The following NRG2 variants were observed in gnomAD, a reference collection of about 807,000 sequenced individuals.
The protein encoded by NRG2 is pro-neuregulin-2, membrane-bound isoform.
NRG2 carries 27 observed loss-of-function variants against 73.9 expected under a neutral mutation model. The ratio of observed to expected loss-of-function variants is 0.37; its 90% CI spans 0.27 to 0.50. NRG2 has a LOEUF of 0.50. Among genes scored for constraint, NRG2 ranks in the 20% least tolerant of loss-of-function variants. NRG2 has a pLI of 0.96. For synonymous variants in NRG2, 532 were observed against 541.0 expected (o/e 0.98, Z 0.23); for missense variants, 1,126 against 1,210.1 (o/e 0.93, Z 1.03).
chr5:139,881,113 C>A (rs926070446), intron 2 of NRG2, 139 bp from the exon 3 acceptor site: 10 of 677,176 alleles, frequency 1.5e-5, no homozygotes, highest in Middle Eastern at 3.5e-4. Context: ...TCCCTCCCCC[C>A]AGCAATTTCT....
chr5:139,972,593 G>A (rs264338), intron 1 of NRG2, among the ~76,000 whole-genome samples: 28,803 of 151,982 alleles, frequency 0.19, 2,932 homozygotes, highest in African/African-American at 0.24. Context: ...GGTATGTGGC[G>A]TACGCCTGTA....
At chr5:139,878,924 C>T (rs1052817724) in intron 3 of NRG2, among the ~76,000 whole-genome samples, 5 of 152,172 alleles carry the variant, frequency 3.3e-5, no homozygotes, top group African/African-American at 1.2e-4. Context: ...TTACCAGGCA[C>T]CCACTGTGAG....
chr5:139,956,953 C>T (rs938712099), intron 1 of NRG2, among the ~76,000 whole-genome samples: 3 of 152,156 alleles, frequency 2.0e-5, no homozygotes, highest in South Asian at 2.1e-4. Flanking sequence ...GACAGTGTCA[C>T]CAAATGGCTT....
intron 2 of NRG2, among the ~76,000 whole-genome samples, chr5:139,884,061 G>A (rs551089010): frequency 1.3e-5 from 2 of 152,314 alleles, no homozygotes; most frequent in African/African-American, 2.4e-5. Flanking sequence ...CAGGAGAGGA[G>A]GGCTAGTCCT....
Position 139,880,760 on chromosome 5 carries a change from C to T in NRG2, c.991+96G>A, listed in dbSNP as rs561304514. 45 of 840,316 alleles carry T rather than the reference C, an allele frequency of 5.4e-5. No homozygotes were observed. In the African/African-American group the frequency reaches 6.5e-4, roughly 12 times the overall value. 52.1% of individuals were successfully genotyped at this position (840,316 alleles called of 1,614,324 possible). On this transcript the variant is annotated intron_variant, in intron 3 of 9. Transcript: ENST00000361474. Reference sequence around the variant, plus strand: ...CAGCAGGAGGGAGGGGAGTTGAGTGCGAGATGGATCACATGCAGGCCCCAA... The same window carrying T: ...CAGCAGGAGGGAGGGGAGTTGAGTGTGAGATGGATCACATGCAGGCCCCAA...
intron 5 of NRG2, among the ~76,000 whole-genome samples, chr5:139,857,806 T>C (rs1336379783): frequency 6.6e-6 from 1 of 152,168 alleles, no homozygotes; most frequent in African/African-American, 2.4e-5. Context: ...GGGCTCATTC[T>C]TGATTACTCC....
intron 1 of NRG2, among the ~76,000 whole-genome samples, chr5:140,017,094 T>TGATGAAA (rs1275198312): frequency 2.0e-5 from 3 of 152,112 alleles, no homozygotes; most frequent in Non-Finnish European, 2.9e-5. Context: ...ATGAAGCAAA[T>TGATGAAA]ACAGTAAAAC....
intron 1 of NRG2, among the ~76,000 whole-genome samples, chr5:139,921,357 A>T (rs1403215699): frequency 1.3e-5 from 2 of 152,252 alleles, no homozygotes; most frequent in Non-Finnish European, 2.9e-5. Flanking sequence ...CTGTAAAGGT[A>T]CAGTAATCAG....
chr5:139,856,139 C>G lies in NRG2; in HGVS notation c.1190-361G>C, dbSNP rs527926018. On this transcript the variant is annotated intron_variant, in intron 5 of 9. Transcript: ENST00000361474. This position sits in a 1 kb window ranked among gnomAD's most constrained non-coding sequence, Gnocchi z 4.2. ...GCAGGGGAGGACAGCTCAGTCTGGC[C>G]GGTGACCCTGCCCTGCTCCACAGTG... The G allele has an allele frequency of 2.9e-5, 8 of 273,512 alleles. No individual in the cohort carries two copies. Among genetic ancestry groups the G allele is most frequent in the Non-Finnish European group, 5.0e-5 (7 of 138,684 alleles). 16.9% of individuals were successfully genotyped at this position (273,512 alleles called of 1,614,324 possible). A position where few individuals can be genotyped will look rare whatever the true frequency, so the allele number is the denominator to read the frequency against.
At chr5:140,028,497 A>G (rs1379067869) in intron 1 of NRG2, among the ~76,000 whole-genome samples, 1 of 152,176 alleles carries the variant, frequency 6.6e-6, no homozygotes, top group African/African-American at 2.4e-5. Flanking sequence ...CAAGAGGAGC[A>G]GTACTCGAGT....
At position 139,851,965 on chromosome 5, in the gene NRG2, G is replaced by T; in HGVS notation, c.1545-134C>A. 2 of 726,778 alleles carry T rather than the reference G, an allele frequency of 2.8e-6. No homozygotes were observed. Among genetic ancestry groups the T allele is most frequent in the Non-Finnish European group, 4.6e-6 (2 of 438,282 alleles). The allele number at this position is 726,778 out of a possible 1,614,324, so 45.0% of individuals were successfully genotyped here. On this transcript the variant is annotated intron_variant, in intron 8 of 9. Transcript: ENST00000361474. This position sits in a 1 kb window ranked among gnomAD's most constrained non-coding sequence, Gnocchi z 4.2. ...GCTCAATGCCCTTCTCCACTCTGGGGTGATGTGTATTGTTGCAAATGCCCA... is the reference window on the plus strand; with the variant it reads ...GCTCAATGCCCTTCTCCACTCTGGGTTGATGTGTATTGTTGCAAATGCCCA...
chr5:140,037,680 C>T (rs1211838189), intron 1 of NRG2, among the ~76,000 whole-genome samples: 3 of 152,126 alleles, frequency 2.0e-5, no homozygotes, highest in African/African-American at 4.8e-5. Context: ...GGGGCCAAGG[C>T]GGGTGGATCA....
In NRG2 at chr5:139,865,514, G is replaced by C; in HGVS notation, c.1189+35C>G. On this transcript the variant is annotated intron_variant, in intron 5 of 9. Transcript: ENST00000361474. The surrounding 1 kb of genome is among the most constrained non-coding windows in gnomAD (Gnocchi z 5.2). ...GGGACTGCACCCAGAAGCTTTCTAA[G>C]GAGCAGGGACTTGTGTTTGTATCTT... The C allele has an allele frequency of 6.4e-7, 1 of 1,567,500 alleles. No homozygotes were observed. The highest frequency in any genetic ancestry group is 8.8e-7 in the Non-Finnish European group (1 of 1,139,528).
At chr5:139,926,720 A>G (rs1400364080) in intron 1 of NRG2, among the ~76,000 whole-genome samples, 1 of 152,222 alleles carries the variant, frequency 6.6e-6, no homozygotes, top group Admixed American at 6.5e-5. Context: ...AAGGTGATGC[A>G]TGAATGTTCA....
In NRG2 at chr5:139,851,490, A is replaced by G. The variant is rs535341339; in HGVS notation, c.1772+114T>C. 99 of 999,018 alleles carry G rather than the reference A, an allele frequency of 9.9e-5. No homozygotes were observed. In the East Asian group the frequency reaches 2.2e-3, roughly 23 times the overall value. The allele number at this position is 999,018 out of a possible 1,614,324, so 61.9% of individuals were successfully genotyped here. A position where few individuals can be genotyped will look rare whatever the true frequency, so the allele number is the denominator to read the frequency against. On this transcript the variant is annotated intron_variant, in intron 9 of 9. Coordinates refer to ENST00000361474, the MANE Select transcript of NRG2 (RefSeq NM_004883.3). The surrounding 1 kb of genome is among the most constrained non-coding windows in gnomAD (Gnocchi z 4.2). ...TCTAGGACCTTGTTTTCCCATATGA[A>G]AAATGGAGATGAGGCTCTTTGGAGT...
chr5:139,988,531 G>A (rs775201463), intron 1 of NRG2, among the ~76,000 whole-genome samples: 1 of 151,988 alleles, frequency 6.6e-6, no homozygotes, highest in Non-Finnish European at 1.5e-5. Context: ...AAGGAAAGAA[G>A]CCAATTGAAA....
chr5:139,997,277 C>G (rs755106867), intron 1 of NRG2, among the ~76,000 whole-genome samples: 2 of 152,154 alleles, frequency 1.3e-5, no homozygotes, highest in African/African-American at 2.4e-5. Context: ...AAAAAACCCA[C>G]CCTTCCTTTA....
intron 1 of NRG2, among the ~76,000 whole-genome samples, chr5:140,038,330 G>A (rs1049916223): frequency 2.6e-5 from 4 of 151,926 alleles, no homozygotes; most frequent in Admixed American, 2.0e-4. Context: ...TTTAAATTTG[G>A]GGGTGGGCAA....
Position 140,042,911 on chromosome 5 carries a change from G to C in NRG2, c.159C>G (p.Asn53Lys). The C allele has an allele frequency of 6.5e-7, 1 of 1,538,554 alleles. No individual in the cohort carries two copies. Among genetic ancestry groups the C allele is most frequent in the South Asian group, 1.2e-5 (1 of 83,886 alleles). The change falls in exon 1 of 10, where the codon AAC becomes AAG. Residue 53 changes from asparagine (N) to lysine (K), a missense_variant. By Grantham distance (94) the Asn-to-Lys change is moderately conservative (BLOSUM62 0). Coordinates refer to ENST00000361474, the MANE Select transcript of NRG2 (RefSeq NM_004883.3). ...SGSSSRSSSN[N>K]SSISRPAAPP... ...GCGCAGCGGGACGAGAGATGCTGCT[G>C]TTGTTGCTGCTGCTCCTGCTGCTGC...
Sources: allele counts gnomAD v4.1 joint callset (sites outside exome capture counted in the v4.1 genomes callset), GRCh38; gene constraint gnomAD v4.1.1; non-coding constraint Gnocchi (gnomAD v3.1); transcripts MANE v1.5; gene names NCBI Gene and HGNC (gene_info 2026-07-23, HGNC 2026-07-21).